The following SGCD variants were observed in gnomAD, a reference collection of about 807,000 sequenced individuals.
SGCD encodes the protein sarcoglycan delta, also known as delta-sarcoglycan.
SGCD carries 18 observed loss-of-function variants against 36.6 expected under a neutral mutation model. The ratio of observed to expected loss-of-function variants is 0.49; its 90% CI spans 0.34 to 0.73. The LOEUF (loss-of-function observed/expected upper bound fraction) is 0.73. Among genes scored for constraint, SGCD ranks in the 30% least tolerant of loss-of-function variants. The pLI is 0.01. For synonymous variants in SGCD, 133 were observed against 130.6 expected (o/e 1.02, Z -0.12); for missense variants, 387 against 346.7 (o/e 1.12, Z -0.92).
chr5:156,452,935 G>A (rs1229533707), intron 3 of SGCD, among the ~76,000 whole-genome samples: 1 of 152,154 alleles, frequency 6.6e-6, no homozygotes, highest in Non-Finnish European at 1.5e-5. Context: ...AGTGACTTGA[G>A]CATAAATTTA....
rs188371953 is a variant in SGCD, at chr5:156,351,997, T to G, written c.192+7320T>G. ...TAAATGCATTGGACTAGATGTCATC[T>G]CGGGCATCTTCCTGTTTGCACACTG... On this transcript the variant is annotated intron_variant, in intron 3 of 8. Transcript: ENST00000337851. Among the ~76,000 whole-genome samples, 350 of 152,312 alleles carry G rather than the reference T, an allele frequency of 2.3e-3. 4 individuals carry two copies. Among genetic ancestry groups the G allele is most frequent in the Non-Finnish European group, 1.9e-3 (132 of 68,022 alleles).
intron 7 of SGCD, among the ~76,000 whole-genome samples, chr5:156,651,292 C>A (rs139167501): frequency 6.6e-6 from 1 of 152,108 alleles, no homozygotes; most frequent in South Asian, 2.1e-4. Flanking sequence ...TGTGCAGAAC[C>A]TCTTTAGTTT....
In SGCD at chr5:156,333,440, G is replaced by A. The variant is rs150366962; in HGVS notation, c.3+3861G>A. On this transcript the variant is annotated intron_variant, in intron 2 of 8. Transcript: ENST00000337851. The stretch of plus-strand genomic sequence containing the variant: ...TTAATATCCATATTAAGAACTTCTA[G>A]CTAATACAATCACAAAAATATTGTT... Among the ~76,000 whole-genome samples, 7 of 152,198 alleles carry A rather than the reference G, an allele frequency of 4.6e-5. No individual in the cohort carries two copies. In the East Asian group the frequency reaches 1.3e-3, roughly 29 times the overall value.
chr5:155,977,039 C>G (rs190231061), intron 1 of SGCD, among the ~76,000 whole-genome samples: 1 of 152,320 alleles, frequency 6.6e-6, no homozygotes, highest in Admixed American at 6.5e-5. Context: ...AAAATTCAGG[C>G]GTGATCTTGC....
chr5:155,989,774 G>A (rs1054381437), intron 1 of SGCD, among the ~76,000 whole-genome samples: 2 of 152,176 alleles, frequency 1.3e-5, no homozygotes, highest in African/African-American at 4.8e-5. Flanking sequence ...CAGGTGATAA[G>A]CAAGACTCAT....
At chr5:156,362,157 G>A (rs1435276809) in intron 3 of SGCD, among the ~76,000 whole-genome samples, 2 of 152,188 alleles carry the variant, frequency 1.3e-5, no homozygotes, top group African/African-American at 2.4e-5. Flanking sequence ...CAATGAAGAA[G>A]CAACACACAT....
At chr5:155,828,809 C>T in the SGCD span, among the ~76,000 whole-genome samples, 1 of 151,990 alleles carries the variant, frequency 6.6e-6, no homozygotes, top group East Asian at 1.9e-4. Flanking sequence ...GCCTCAGCCT[C>T]CCAAGTAGCT....
the SGCD span, among the ~76,000 whole-genome samples, chr5:155,736,365 C>G: frequency 6.6e-6 from 1 of 152,274 alleles, no homozygotes; most frequent in African/African-American, 2.4e-5. Context: ...ATTCACTTTG[C>G]CCTTCTACCA....
intron 1 of SGCD, among the ~76,000 whole-genome samples, chr5:155,988,295 C>A (rs1758371147): frequency 6.6e-6 from 1 of 152,072 alleles, no homozygotes. Context: ...GAAGTGGTGC[C>A]AGCCATACCC....
chr5:156,037,897 C>G (rs1408466172), intron 1 of SGCD, among the ~76,000 whole-genome samples: 2 of 152,060 alleles, frequency 1.3e-5, no homozygotes, highest in African/African-American at 4.8e-5. Context: ...TCTGTAGTAG[C>G]TACAGGGTGC....
intron 1 of SGCD, among the ~76,000 whole-genome samples, chr5:156,105,984 G>A (rs143843806): frequency 0.026 from 3,937 of 151,646 alleles, 83 homozygotes; most frequent in Middle Eastern, 0.045. Flanking sequence ...GGTGACAAGC[G>A]CCTGTAATCC....
At chr5:156,474,234 T>C (rs1755087297) in intron 3 of SGCD, among the ~76,000 whole-genome samples, 1 of 152,150 alleles carries the variant, frequency 6.6e-6, no homozygotes, top group South Asian at 2.1e-4. Context: ...AAGCCCAAAA[T>C]ATCAATAGTG....
intron 7 of SGCD, among the ~76,000 whole-genome samples, chr5:156,684,583 G>A (rs1018209934): frequency 1.3e-5 from 2 of 152,062 alleles, no homozygotes; most frequent in Admixed American, 1.3e-4. Context: ...CTTTTGTAAG[G>A]CTTCTGTGAA....
At chr5:156,212,695 A>G (rs1277804860) in intron 3 of SGCD, among the ~76,000 whole-genome samples, 2 of 152,266 alleles carry the variant, frequency 1.3e-5, no homozygotes, top group Non-Finnish European at 1.5e-5. Flanking sequence ...AGAGCAGAAT[A>G]CACATTCTTC....
chr5:156,274,998 A>T (rs1766280028), intron 3 of SGCD, among the ~76,000 whole-genome samples: 1 of 152,156 alleles, frequency 6.6e-6, no homozygotes, highest in Admixed American at 6.6e-5. Flanking sequence ...GGACACAGGG[A>T]CCCAGTGTCT....
chr5:155,918,249 C>T (rs1756796956), intron 1 of SGCD, among the ~76,000 whole-genome samples: 1 of 152,156 alleles, frequency 6.6e-6, no homozygotes, highest in African/African-American at 2.4e-5. Context: ...AAATGAAGAT[C>T]ACCAGAATAG....
chr5:156,519,877 G>A (rs937600336), intron 4 of SGCD, among the ~76,000 whole-genome samples: 26 of 151,870 alleles, frequency 1.7e-4, no homozygotes, highest in African/African-American at 5.6e-4. Flanking sequence ...AAAATAACAG[G>A]TGCCATCTAT....
chr5:155,728,031 C>T, the SGCD span, among the ~76,000 whole-genome samples: 1 of 152,114 alleles, frequency 6.6e-6, no homozygotes, highest in South Asian at 2.1e-4. Flanking sequence ...TTCGCTGGGG[C>T]TCCCTCCGCT....
intron 1 of SGCD, among the ~76,000 whole-genome samples, chr5:155,926,247 A>G (rs1378871599): frequency 6.6e-6 from 1 of 152,190 alleles, no homozygotes; most frequent in Non-Finnish European, 1.5e-5. Flanking sequence ...GGCATGAAAG[A>G]TTCTCCGCAA....
Sources: gnomAD v4.1 joint callset for allele counts (sites outside exome capture counted in the v4.1 genomes callset) on GRCh38, gnomAD v4.1.1 for gene constraint, MANE v1.5 for transcripts, NCBI Gene and HGNC (gene_info 2026-07-23, HGNC 2026-07-21) for gene names.